The following ZNF831 variants were observed in gnomAD, a reference collection of about 807,000 sequenced individuals.
ZNF831 encodes the protein chromosome 20 open reading frame 174.
ZNF831 carries 59 observed loss-of-function variants against 95.8 expected under a neutral mutation model. The ratio of observed to expected loss-of-function variants is 0.62; its 90% confidence interval spans 0.50 to 0.77. ZNF831 has a LOEUF of 0.77. ZNF831 is among the 30% of genes least tolerant of loss of function. The pLI, the probability that ZNF831 is intolerant of heterozygous loss-of-function variation, is 0.00. For missense variants in ZNF831, 2,205 were observed against 2,164.0 expected, an observed-to-expected ratio of 1.02 and a Z score of -0.38; for synonymous variants, 961 against 925.5, an observed-to-expected ratio of 1.04 and a Z score of -0.70.
intron 2 of ZNF831, among the ~76,000 whole-genome samples, chr20:59,156,341 C>T (rs558868417): frequency 3.3e-5 from 5 of 152,220 alleles, no homozygotes; most frequent in African/African-American, 1.2e-4. Context: ...GCCTGGCCAA[C>T]GTGGTGAAAC....
chr20:59,228,295 C>T (rs532893093), intron 4 of ZNF831, among the ~76,000 whole-genome samples: 1 of 152,230 alleles, frequency 6.6e-6, no homozygotes, highest in East Asian at 1.9e-4. Flanking sequence ...TGGGTTTGCT[C>T]ATTCATCTGT....
At chr20:59,156,258 T>C (rs942322427) in intron 2 of ZNF831, among the ~76,000 whole-genome samples, 6 of 152,168 alleles carry the variant, frequency 3.9e-5, no homozygotes, top group Non-Finnish European at 7.3e-5. Flanking sequence ...GTGGGCTGAC[T>C]GCAATGGCTC....
At chr20:59,144,758 G>A (rs956499902) in intron 1 of ZNF831, among the ~76,000 whole-genome samples, 2 of 152,176 alleles carry the variant, frequency 1.3e-5, no homozygotes, top group Admixed American at 6.5e-5. Flanking sequence ...CGTCCTGGTA[G>A]AGTCACTGCC....
intron 1 of ZNF831, among the ~76,000 whole-genome samples, chr20:59,178,017 C>T (rs576240398): frequency 2.0e-5 from 3 of 152,270 alleles, no homozygotes; most frequent in Non-Finnish European, 4.4e-5. Flanking sequence ...TGAATTTTGT[C>T]TTATTTCCTG....
chr20:59,141,551 A>G (rs771839623), intron 1 of ZNF831, among the ~76,000 whole-genome samples: 2 of 152,082 alleles, frequency 1.3e-5, no homozygotes, highest in Non-Finnish European at 2.9e-5. Context: ...TATTTCTGGG[A>G]TCTTTATTCT....
rs1410259875 is a variant in ZNF831, at chr20:59,192,302, G to T, written c.1283G>T (p.Arg428Leu). ...GACGATGCCCAGCTGGACAACGTGC[G>T]GCCCCGGAAGACCGGGCTGTCCAAA... ...VVDDAQLDNVRPRKTGLSKQG... is the reference protein window; with the variant it reads ...VVDDAQLDNVLPRKTGLSKQG... Residue 428 changes from arginine (R) to leucine (L), a missense_variant, in exon 2 of 6, where the codon CGG (arginine) becomes CTG (leucine). Transcript: ENST00000371030. The surrounding 1 kb of genome is among the most constrained non-coding windows in gnomAD (Gnocchi z 5.2). 1 of 1,590,982 alleles carries T rather than the reference G, an allele frequency of 6.3e-7. No homozygotes were observed.
chr20:59,136,371 C>G (rs1159595649), intron 1 of ZNF831, among the ~76,000 whole-genome samples: 1 of 152,156 alleles, frequency 6.6e-6, no homozygotes, highest in Non-Finnish European at 1.5e-5. Context: ...ACCTTAATTC[C>G]ATCTGCAAAG....
Position 59,195,886 on chromosome 20 carries a change from C to T in ZNF831, c.3756C>T (p.Val1252=). ...GTTTTCAGTTCTCCTACCCAACAGT[C>T]CCAGGGGTGATGCCCCAGCACCAGG... ...AQMSKFSYPT[V]PGVMPQHQVS... is the part of the protein sequence containing the mutation. Residue 1252 remains valine (V), a synonymous_variant, in exon 3 of 6, where the codon GTC becomes GTT. Transcript: ENST00000371030. The T allele has an allele frequency of 6.2e-7, 1 of 1,614,048 alleles. No homozygotes were observed. The highest frequency in any genetic ancestry group is 1.1e-5 in the South Asian group (1 of 91,056).
At chr20:59,158,616 T>C (rs569443384) in intron 2 of ZNF831, among the ~76,000 whole-genome samples, 5 of 152,340 alleles carry the variant, frequency 3.3e-5, no homozygotes, top group Admixed American at 2.0e-4. Flanking sequence ...GCCATCCCTT[T>C]TGTTCAAAGT....
chr20:59,144,002 G>T (rs943120477), intron 1 of ZNF831, among the ~76,000 whole-genome samples: 1 of 152,178 alleles, frequency 6.6e-6, no homozygotes, highest in African/African-American at 2.4e-5. Context: ...AAGCTTTTCT[G>T]TGCCCATTTA....
At chr20:59,215,029 T>C (rs909808655) in intron 4 of ZNF831, among the ~76,000 whole-genome samples, 4 of 152,234 alleles carry the variant, frequency 2.6e-5, no homozygotes, top group Non-Finnish European at 5.9e-5. Flanking sequence ...CGATGACATA[T>C]CAGCTTTGTA....
Position 59,131,084 on chromosome 20 carries a change from CTT to C in ZNF831, c.-1425+7582_-1425+7583del, listed in dbSNP as rs1418784568. Among the ~76,000 whole-genome samples the C allele has an allele frequency of 2.0e-5, 3 of 152,258 alleles. No homozygotes were observed. In the East Asian group the frequency reaches 5.8e-4, roughly 29 times the overall value. ...TGAATCCATCTCCCTTTGAAACACT[CTT>C]TTGTGGGCAAGGTTGAAGGAAATGC... On this transcript the variant is annotated intron_variant, in intron 1 of 7. Coordinates refer to the ZNF831 transcript ENST00000637017.
At chr20:59,168,363 C>A (rs1981450933) in intron 1 of ZNF831, among the ~76,000 whole-genome samples, 1 of 151,660 alleles carries the variant, frequency 6.6e-6, no homozygotes, top group Middle Eastern at 3.4e-3. Flanking sequence ...GGTTTTCAAC[C>A]ATTCATAGCT....
intron 3 of ZNF831, among the ~76,000 whole-genome samples, chr20:59,201,949 A>G (rs149824862): frequency 2.2e-4 from 33 of 152,330 alleles, no homozygotes; most frequent in African/African-American, 7.9e-4. Context: ...TCTTTTCAAC[A>G]AATGGTTCCA....
At chr20:59,207,982 C>T (rs1985019682) in intron 4 of ZNF831, among the ~76,000 whole-genome samples, 2 of 152,250 alleles carry the variant, frequency 1.3e-5, no homozygotes, top group Non-Finnish European at 2.9e-5. Context: ...CTCCCCACAC[C>T]TCTGCTCCCC....
intron 1 of ZNF831, among the ~76,000 whole-genome samples, chr20:59,183,432 T>A (rs1369182736): frequency 6.6e-6 from 1 of 152,214 alleles, no homozygotes; most frequent in Non-Finnish European, 1.5e-5. Flanking sequence ...ACCACTCAGG[T>A]GTGCGAGAGC....
In ZNF831 at chr20:59,208,489, C is replaced by T. The variant is rs938397301; in HGVS notation, c.4027+1433C>T. Among the ~76,000 whole-genome samples, 1 of 152,218 alleles carries T rather than the reference C, an allele frequency of 6.6e-6. No homozygotes were observed. Among genetic ancestry groups the T allele is most frequent in the African/African-American group, 2.4e-5 (1 of 41,458 alleles). On this transcript the variant is annotated intron_variant, in intron 4 of 5. Transcript: ENST00000371030. This position sits in a 1 kb window ranked among gnomAD's most constrained non-coding sequence, Gnocchi z 4.2. The stretch of plus-strand genomic sequence containing the variant: ...CAGGTGCCCTGTGGATGCCCCTCGT[C>T]TCTCCTTAAGAGTTTTCCAATGTAT...
rs767970052 is a variant in ZNF831, at chr20:59,254,523, G to T, written c.4814G>T (p.Cys1605Phe). The T allele has an allele frequency of 1.2e-6, 2 of 1,614,090 alleles. No individual in the cohort carries two copies. The highest frequency in any genetic ancestry group is 1.7e-5 in the Admixed American group (1 of 60,006). The change falls in exon 6 of 6, where the codon TGC becomes TTC. Residue 1605 changes from cysteine (C) to phenylalanine (F), a missense_variant. By Grantham distance (205) the Cys-to-Phe change is radical. Transcript: ENST00000371030. This position sits in a 1 kb window ranked among gnomAD's most constrained non-coding sequence, Gnocchi z 4.5. Reference sequence around the variant, plus strand: ...GGGTGTGGGGAAATGACTGTCCCCTGCCCCTCTTTAGGAAGTGACGGTAGG... The same window carrying T: ...GGGTGTGGGGAAATGACTGTCCCCTTCCCCTCTTTAGGAAGTGACGGTAGG... ...QYGCGEMTVP[C>F]PSLGSDGRKR...
In ZNF831 at chr20:59,258,977, T is replaced by G. The variant is rs1200900200; in HGVS notation, c.*4234T>G. 6.6e-6 allele frequency: 1 copy of G among 152,220 alleles called. No individual in the cohort carries two copies. Among genetic ancestry groups the G allele is most frequent in the Non-Finnish European group, 1.5e-5 (1 of 68,036 alleles). The allele number at this position is 152,220 out of a possible 1,614,324, so 9.4% of individuals were successfully genotyped here. A position where few individuals can be genotyped will look rare whatever the true frequency, so the allele number is the denominator to read the frequency against. Reference sequence around the variant, plus strand: ...ATGACGGAATGTCTTGTATATGCGGTCAACTGTTCAGGATTTACTACTCAA... The same window carrying G: ...ATGACGGAATGTCTTGTATATGCGGGCAACTGTTCAGGATTTACTACTCAA... On this transcript the variant is annotated 3_prime_UTR_variant, in exon 6 of 6. Transcript: ENST00000371030.
Sources: gnomAD v4.1 joint callset for allele counts (sites outside exome capture counted in the v4.1 genomes callset) on GRCh38, gnomAD v4.1.1 for gene constraint, Gnocchi (gnomAD v3.1) non-coding constraint, MANE v1.5 for transcripts, NCBI Gene and HGNC (gene_info 2026-07-23, HGNC 2026-07-21) for gene names.